DPH6: variants seen among roughly 807,000 people sequenced by gnomAD.
The protein encoded by DPH6 is diphthamine biosynthesis 6, also known as diphthine--ammonia ligase.
DPH6 carries 33 observed loss-of-function variants against 38.2 expected under a neutral mutation model. That is an observed-to-expected ratio of 0.86 (90% CI 0.65 to 1.15). DPH6 has a LOEUF of 1.15. Among genes scored for constraint, DPH6 ranks in the 50% most tolerant of loss-of-function variants. DPH6 has a pLI of 0.00. For missense variants in DPH6, 325 were observed against 320.0 expected (o/e 1.02, Z -0.12); for synonymous variants, 108 against 103.0 (o/e 1.05, Z -0.30).
chr15:35,147,274 T>G, the DPH6 span, among the ~76,000 whole-genome samples: 1 of 152,186 alleles, frequency 6.6e-6, no homozygotes, highest in South Asian at 2.1e-4. Flanking sequence ...AACTAAGATT[T>G]AAAGCCAGAC....
chr15:35,228,171 T>C (rs947848942), intron 3 of DPH6, among the ~76,000 whole-genome samples: 3 of 152,190 alleles, frequency 2.0e-5, no homozygotes, highest in African/African-American at 7.2e-5. Flanking sequence ...ATTGTTTGCA[T>C]AAACAAACAA....
intron 3 of DPH6, among the ~76,000 whole-genome samples, chr15:35,510,022 C>G (rs1433438703): frequency 6.6e-6 from 1 of 152,076 alleles, no homozygotes; most frequent in East Asian, 1.9e-4. Flanking sequence ...TTGAGACCAG[C>G]CTGAGCAACA....
rs1366223848 is a variant in DPH6, at chr15:35,353,531, T to C, written n.207+19990A>G. ...AGTTTTCCCAGCACCATTTGTTAAA[T>C]AGGGAATCCTTTCCCCATTTCTTGT... On this transcript the variant is annotated intron_variant and non_coding_transcript_variant, in intron 3 of 3. Transcript: ENST00000558973. Among the ~76,000 whole-genome samples the C allele has an allele frequency of 2.0e-5, 3 of 152,324 alleles. No homozygotes were observed. In the East Asian group the frequency reaches 5.8e-4, roughly 29 times the overall value.
intron 3 of DPH6, among the ~76,000 whole-genome samples, chr15:35,481,807 A>G (rs2054330652): frequency 6.6e-6 from 1 of 152,180 alleles, no homozygotes; most frequent in African/African-American, 2.4e-5. Flanking sequence ...TTCTTTTAAA[A>G]GTGTTTATAA....
chr15:35,525,887 T>C (rs1346893346), intron 3 of DPH6, among the ~76,000 whole-genome samples: 2 of 152,132 alleles, frequency 1.3e-5, no homozygotes, highest in African/African-American at 4.8e-5. Context: ...ACAAAACATT[T>C]GCATAAAATT....
chr15:35,300,569 G>C (rs1487436003), intron 3 of DPH6, among the ~76,000 whole-genome samples: 2 of 152,176 alleles, frequency 1.3e-5, no homozygotes, highest in Non-Finnish European at 2.9e-5. Context: ...TTTTTGGCTT[G>C]AGCAACTGGG....
rs528961604 is a variant in DPH6 at position 35,525,784 on chromosome 15, G to A, written c.312+12490C>T. On this transcript the variant is annotated intron_variant, in intron 3 of 8. Coordinates refer to ENST00000256538, the MANE Select transcript of DPH6 (RefSeq NM_080650.4). ...GAGCCTGGGAGTTCAAGGGTGCAGT[G>A]AGCCACGATAGCTCCACTGCACCCC... Among the ~76,000 whole-genome samples, 17 of 152,206 alleles carry A rather than the reference G, an allele frequency of 1.1e-4. 1 individual carries two copies. In the South Asian group the frequency reaches 2.9e-3, roughly 26 times the overall value.
intron 3 of DPH6, chr15:35,520,343 A>C: frequency 1.0e-6 from 1 of 983,722 alleles, no homozygotes; most frequent in Non-Finnish European, 1.2e-6. Context: ...TTTTCCTCAT[A>C]GACATGCATT....
intron 6 of DPH6, among the ~76,000 whole-genome samples, chr15:35,396,024 C>T (rs1033371692): frequency 6.6e-6 from 1 of 152,088 alleles, no homozygotes; most frequent in African/African-American, 2.4e-5. Context: ...CACTAACTGC[C>T]GAGGACCCAC....
chr15:35,526,640 C>G (rs1378104801), intron 3 of DPH6, among the ~76,000 whole-genome samples: 2 of 152,084 alleles, frequency 1.3e-5, no homozygotes, highest in Non-Finnish European at 2.9e-5. Flanking sequence ...TTCATATACT[C>G]CAAAAAGTCT....
At chr15:35,536,071 C>T (rs1025989042) in intron 3 of DPH6, among the ~76,000 whole-genome samples, 21 of 151,944 alleles carry the variant, frequency 1.4e-4, no homozygotes, top group South Asian at 2.1e-4. Flanking sequence ...TCCATTAATA[C>T]TCAAAGGATT....
chr15:35,203,556 T>G, the DPH6 span, among the ~76,000 whole-genome samples: 35 of 151,806 alleles, frequency 2.3e-4, no homozygotes, highest in Admixed American at 2.3e-3. Context: ...TAAACTGCAT[T>G]TTAATAACTC....
chr15:35,296,708 C>T (rs1174125757), intron 3 of DPH6, among the ~76,000 whole-genome samples: 2 of 152,146 alleles, frequency 1.3e-5, no homozygotes, highest in Non-Finnish European at 2.9e-5. Context: ...GTATTTAATG[C>T]TGCCCAATCT....
intron 3 of DPH6, among the ~76,000 whole-genome samples, chr15:35,277,934 T>G (rs372616865): frequency 3.7e-4 from 56 of 152,102 alleles, no homozygotes; most frequent in African/African-American, 1.3e-3. Context: ...TGACTTAAAG[T>G]TGGAATTCAT....
intron 3 of DPH6, among the ~76,000 whole-genome samples, chr15:35,322,406 C>T (rs1042297990): frequency 4.8e-4 from 73 of 152,290 alleles, no homozygotes; most frequent in African/African-American, 1.7e-3. Context: ...GCTTGGCCTT[C>T]GCCTAGGAAT....
At chr15:35,398,492 C>T (rs914373289) in intron 6 of DPH6, among the ~76,000 whole-genome samples, 2 of 151,622 alleles carry the variant, frequency 1.3e-5, no homozygotes, top group African/African-American at 2.4e-5. Context: ...GCTTCCAGAT[C>T]GCTGATCACA....
intron 5 of DPH6, among the ~76,000 whole-genome samples, chr15:35,433,378 T>C (rs2053655974): frequency 6.6e-6 from 1 of 152,166 alleles, no homozygotes; most frequent in Admixed American, 6.5e-5. Flanking sequence ...GCAGGAGAAG[T>C]AGTGGCATTC....
At chr15:35,226,268 T>C (rs1216656870) in intron 3 of DPH6, among the ~76,000 whole-genome samples, 2 of 152,246 alleles carry the variant, frequency 1.3e-5, no homozygotes, top group African/African-American at 4.8e-5. Flanking sequence ...GCTTTATTTT[T>C]TCAGCTAAAA....
At chr15:35,365,338 T>C (rs1215718072) in intron 3 of DPH6, among the ~76,000 whole-genome samples, 2 of 152,152 alleles carry the variant, frequency 1.3e-5, no homozygotes, top group East Asian at 3.8e-4. Flanking sequence ...ATTTTTTAAC[T>C]GTTCAGTTCA....
Sources: gnomAD v4.1 joint callset for allele counts (sites outside exome capture counted in the v4.1 genomes callset) on GRCh38, gnomAD v4.1.1 for gene constraint, MANE v1.5 for transcripts, NCBI Gene and HGNC (gene_info 2026-07-23, HGNC 2026-07-21) for gene names.